EPHB1: variants seen among roughly 807,000 people sequenced by gnomAD.
EPHB1 encodes ephrin type-B receptor 1.
In EPHB1, 30 loss-of-function variants were observed where a neutral mutation model predicts 94.4. The ratio of observed to expected loss-of-function variants is 0.32; its 90% confidence interval spans 0.24 to 0.43. EPHB1 has a LOEUF of 0.43. Among genes scored for constraint, EPHB1 ranks in the 20% least tolerant of loss-of-function variants. The pLI, the probability that EPHB1 is intolerant of heterozygous loss-of-function variation, is 1.00. For synonymous variants in EPHB1, 522 were observed against 489.1 expected, an observed-to-expected ratio of 1.07 and a Z score of -0.89; for missense variants, 1,055 against 1,308.3, an observed-to-expected ratio of 0.81 and a Z score of 2.99.
In EPHB1 at chr3:134,803,116, A is replaced by G. The variant is rs1387785484; in HGVS notation, c.58+7427A>G. On this transcript the variant is annotated intron_variant, in intron 1 of 15. Transcript: ENST00000398015. The stretch of plus-strand genomic sequence containing the variant: ...GGGAGGTTCCCCCAGAGTTCTCTGT[A>G]ACAGAACTGGGCCAATGTGGAAACA... Among the ~76,000 whole-genome samples the G allele has an allele frequency of 3.3e-5, 5 of 152,332 alleles. No individual in the cohort carries two copies. The East Asian group carries it at 5.8e-4, about 18-fold the overall frequency.
intron 3 of EPHB1, among the ~76,000 whole-genome samples, chr3:135,105,895 G>T (rs1939198889): frequency 6.6e-6 from 1 of 152,208 alleles, no homozygotes; most frequent in African/African-American, 2.4e-5. Flanking sequence ...AATCACTTAT[G>T]AATTTCAGCC....
rs560065988 is a variant in EPHB1 at position 135,052,728 on chromosome 3, G to A, written c.806-53720G>A. Among the ~76,000 whole-genome samples, 617 of 150,008 alleles carry A rather than the reference G, an allele frequency of 4.1e-3. 2 individuals carry two copies. The highest frequency in any genetic ancestry group is 0.037 in the Middle Eastern group (11 of 294). ...TACAAAAAATTAGCCGGGCGTGTTG[G>A]CTGGCACCTGTAGTCCCAGCTACTC... On this transcript the variant is annotated intron_variant, in intron 3 of 15. Transcript: ENST00000398015.
chr3:135,136,191 A>T (rs1940613381), intron 5 of EPHB1, among the ~76,000 whole-genome samples: 1 of 152,126 alleles, frequency 6.6e-6, no homozygotes, highest in Admixed American at 6.5e-5. Context: ...AAGAGCTGTG[A>T]TCTAAGAAGA....
chr3:135,079,615 T>C (rs1410515641), intron 3 of EPHB1, among the ~76,000 whole-genome samples: 1 of 152,162 alleles, frequency 6.6e-6, no homozygotes, highest in African/African-American at 2.4e-5. Flanking sequence ...AGTCCTGCCG[T>C]CCTGAGCTCC....
intron 12 of EPHB1, among the ~76,000 whole-genome samples, chr3:135,206,115 A>T (rs561944143): frequency 6.5e-4 from 99 of 152,314 alleles, no homozygotes; most frequent in African/African-American, 2.3e-3. Flanking sequence ...ATATAAGTGG[A>T]ATCATACAGC....
At chr3:134,977,881 C>A (rs933177298) in intron 3 of EPHB1, 1 of 430,244 alleles carries the variant, frequency 2.3e-6, no homozygotes, top group Non-Finnish European at 4.6e-6. Context: ...AGCCTCCTGC[C>A]GTCCCAGCCC....
chr3:135,217,425 CA>C (rs1486636350), intron 12 of EPHB1, among the ~76,000 whole-genome samples: 3 of 5,136 alleles, frequency 5.8e-4, no homozygotes, highest in East Asian at 5.1e-3. Context: ...CCATCAGTAC[CA>C]CACACACACA....
At chr3:134,950,179 G>A (rs1198800092) in intron 2 of EPHB1, among the ~76,000 whole-genome samples, 1 of 152,216 alleles carries the variant, frequency 6.6e-6, no homozygotes, top group East Asian at 1.9e-4. Flanking sequence ...TACATGTGTT[G>A]TTCTTCTCTT....
intron 1 of EPHB1, 72 bp downstream of exon 1, chr3:134,795,761 G>A (rs1417070115): frequency 6.6e-7 from 1 of 1,524,016 alleles, no homozygotes; most frequent in South Asian, 1.1e-5. Flanking sequence ...TCCGCGGTTC[G>A]CGGGGTTCCT....
chr3:134,840,604 C>T (rs2036757459), intron 1 of EPHB1: 1 of 152,166 alleles, frequency 6.6e-6, no homozygotes, highest in Admixed American at 6.5e-5. Context: ...GGCAATTGAA[C>T]TGTCTTTCAA....
intron 9 of EPHB1, among the ~76,000 whole-genome samples, chr3:135,176,056 C>G (rs762855176): frequency 8.5e-5 from 13 of 152,164 alleles, no homozygotes; most frequent in African/African-American, 2.2e-4. Flanking sequence ...TTCCCCTCAT[C>G]ATCTTCTAAG....
chr3:135,015,909 C>T (rs1935782465), intron 3 of EPHB1, among the ~76,000 whole-genome samples: 1 of 152,058 alleles, frequency 6.6e-6, no homozygotes, highest in Admixed American at 6.5e-5. Context: ...GGACAAAGGC[C>T]CTGAGGTGGG....
At chr3:135,147,379 G>A (rs1438472418) in intron 5 of EPHB1, among the ~76,000 whole-genome samples, 1 of 152,232 alleles carries the variant, frequency 6.6e-6, no homozygotes, top group African/African-American at 2.4e-5. Context: ...TGTCCACACA[G>A]AAACTTGTGT....
chr3:135,189,863 AG>A (rs1358497363), intron 10 of EPHB1, among the ~76,000 whole-genome samples: 2 of 152,248 alleles, frequency 1.3e-5, no homozygotes, highest in Non-Finnish European at 2.9e-5. Flanking sequence ...CCCAACTCCC[AG>A]GCAGGAGGCT....
At chr3:135,050,313 TA>T (rs1937133959) in intron 3 of EPHB1, among the ~76,000 whole-genome samples, 1 of 152,206 alleles carries the variant, frequency 6.6e-6, no homozygotes, top group South Asian at 2.1e-4. Context: ...TGTTATTCTG[TA>T]AAAGTCACCT....
chr3:134,857,304 C>T (rs2037143319), intron 1 of EPHB1, among the ~76,000 whole-genome samples: 1 of 152,190 alleles, frequency 6.6e-6, no homozygotes, highest in Admixed American at 6.5e-5. Flanking sequence ...CCTTCCTCTT[C>T]TCTGCTTGTC....
At chr3:135,224,174 C>A (rs559134153) in intron 12 of EPHB1, among the ~76,000 whole-genome samples, 53 of 152,304 alleles carry the variant, frequency 3.5e-4, no homozygotes, top group African/African-American at 1.3e-3. Context: ...AGAGCACATA[C>A]ACTCTAAGAT....
rs1190843932 is a variant in EPHB1 at position 135,192,689 on chromosome 3, C to T, written c.1996C>T (p.Leu666=). 1.2e-6 allele frequency: 2 copies of T among 1,614,176 alleles called. No individual in the cohort carries two copies. The highest frequency in any genetic ancestry group is 2.2e-5 in the South Asian group (2 of 91,076). ...GYSEKQRRDF[L]SEASIMGQFD... ...CTCGGAGAAGCAGCGTCGGGACTTT[C>T]TGAGTGAGGCGAGCATCATGGGCCA... is the stretch of plus-strand genomic sequence containing the variant. Residue 666 remains leucine (L), a synonymous_variant, in exon 11 of 16, where the codon CTG becomes TTG. Coordinates refer to ENST00000398015, the MANE Select transcript of EPHB1 (RefSeq NM_004441.5).
chr3:135,107,773 C>T (rs1389854552), intron 4 of EPHB1, among the ~76,000 whole-genome samples: 1 of 152,082 alleles, frequency 6.6e-6, no homozygotes, highest in Non-Finnish European at 1.5e-5. Context: ...GATCAAGTTC[C>T]TGAGTTCAAT....
Sources: allele counts gnomAD v4.1 joint callset (sites outside exome capture counted in the v4.1 genomes callset), GRCh38; gene constraint gnomAD v4.1.1; transcripts MANE v1.5; gene names NCBI Gene and HGNC (gene_info 2026-07-23, HGNC 2026-07-21).